Variants in LRRC4C observed in about 807,000 individuals in gnomAD.
The protein encoded by LRRC4C is leucine rich repeat containing 4C, also known as leucine-rich repeat-containing protein 4C.
In LRRC4C, 5 loss-of-function variants were observed where a neutral mutation model predicts 33.6. The observed-to-expected ratio is 0.15, with a 90% CI of 0.08 to 0.31. The LOEUF (loss-of-function observed/expected upper bound fraction) is 0.31. LRRC4C is among the 10% of genes least tolerant of loss of function. The pLI is 1.00. For missense variants in LRRC4C, 560 were observed against 796.7 expected, an observed-to-expected ratio of 0.70 and a Z score of 3.58; for synonymous variants, 329 against 302.0, an observed-to-expected ratio of 1.09 and a Z score of -0.93.
intron 1 of LRRC4C, among the ~76,000 whole-genome samples, chr11:41,379,519 A>G (rs905590206): frequency 2.6e-5 from 4 of 152,170 alleles, no homozygotes; most frequent in Non-Finnish European, 1.5e-5. Flanking sequence ...TGGGCACAAG[A>G]TAAGTATTTT....
chr11:41,291,222 A>G (rs529297047), intron 1 of LRRC4C, among the ~76,000 whole-genome samples: 1 of 152,296 alleles, frequency 6.6e-6, no homozygotes, highest in African/African-American at 2.4e-5. Context: ...ACCACTTAGG[A>G]AGGAGAGAAT....
chr11:40,889,287 A>G (rs1188439114), intron 2 of LRRC4C, among the ~76,000 whole-genome samples: 1 of 152,102 alleles, frequency 6.6e-6, no homozygotes. Context: ...TATACTGTTT[A>G]ATGTGAATTA....
In LRRC4C at chr11:41,223,611, A is replaced by G. The variant is rs571717296; in HGVS notation, c.-496+235820T>C. Among the ~76,000 whole-genome samples the G allele has an allele frequency of 2.4e-4, 36 of 152,322 alleles. 1 individual carries two copies. In the South Asian group the frequency reaches 5.8e-3, roughly 25 times the overall value. ...CTTACTCCCTACATGCTCACATGCT[A>G]GTCTCCCAAAGAAGGAGCTTTCTGC... On this transcript the variant is annotated intron_variant, in intron 1 of 6. Transcript: ENST00000528697.
At chr11:41,234,555 A>C (rs1479112356) in intron 1 of LRRC4C, among the ~76,000 whole-genome samples, 2 of 152,066 alleles carry the variant, frequency 1.3e-5, no homozygotes, top group African/African-American at 4.8e-5. Flanking sequence ...AATTTCAGGT[A>C]AAATAAACGA....
At chr11:40,545,143 T>C (rs1956864054) in intron 3 of LRRC4C, among the ~76,000 whole-genome samples, 1 of 152,042 alleles carries the variant, frequency 6.6e-6, no homozygotes, top group South Asian at 2.1e-4. Context: ...TCTCCCATAT[T>C]TTCACAGCAC....
intron 5 of LRRC4C, among the ~76,000 whole-genome samples, chr11:40,178,735 C>G (rs1013386307): frequency 5.3e-5 from 8 of 152,210 alleles, no homozygotes; most frequent in Non-Finnish European, 7.3e-5. Context: ...TGTGGACAGG[C>G]AGGCCGTATA....
chr11:40,121,360 A>G (rs1444800664), intron 6 of LRRC4C, among the ~76,000 whole-genome samples: 2 of 152,250 alleles, frequency 1.3e-5, no homozygotes, highest in Non-Finnish European at 2.9e-5. Context: ...AAGCTAATTT[A>G]TAACCTACAG....
At chr11:40,344,026 A>G (rs1462597042) in intron 3 of LRRC4C, among the ~76,000 whole-genome samples, 1 of 152,070 alleles carries the variant, frequency 6.6e-6, no homozygotes. Flanking sequence ...CAAACCAAAA[A>G]AAGCCCAGGA....
At chr11:40,277,501 G>T (rs1565220131) in intron 4 of LRRC4C, among the ~76,000 whole-genome samples, 1 of 151,850 alleles carries the variant, frequency 6.6e-6, no homozygotes, top group African/African-American at 2.4e-5. Flanking sequence ...TGAGGTTAAG[G>T]GAAAGAGTTA....
chr11:40,313,452 T>C (rs924935959), intron 4 of LRRC4C, among the ~76,000 whole-genome samples: 7 of 151,924 alleles, frequency 4.6e-5, no homozygotes, highest in Non-Finnish European at 1.0e-4. Context: ...GTTCAATAAA[T>C]GGTGCTAGGT....
chr11:40,485,586 C>T (rs1953817341), intron 3 of LRRC4C, among the ~76,000 whole-genome samples: 1 of 151,832 alleles, frequency 6.6e-6, no homozygotes, highest in African/African-American at 2.4e-5. Flanking sequence ...AGAATCACCC[C>T]ACAAAACTTT....
At chr11:40,653,688 A>T (rs2136165810) in intron 2 of LRRC4C, among the ~76,000 whole-genome samples, 1 of 152,326 alleles carries the variant, frequency 6.6e-6, no homozygotes, top group African/African-American at 2.4e-5. Flanking sequence ...AGAAAAGAAA[A>T]CCTCATTTTC....
At chr11:41,235,640 A>C (rs1947988197) in intron 1 of LRRC4C, among the ~76,000 whole-genome samples, 1 of 152,138 alleles carries the variant, frequency 6.6e-6, no homozygotes, top group Non-Finnish European at 1.5e-5. Flanking sequence ...ATAGTTACAC[A>C]GTTTTTTAAA....
At chr11:41,217,586 T>G (rs1052561282) in intron 1 of LRRC4C, among the ~76,000 whole-genome samples, 2 of 152,160 alleles carry the variant, frequency 1.3e-5, no homozygotes, top group African/African-American at 4.8e-5. Flanking sequence ...ATTCTAAAAA[T>G]AGAATAAAGA....
intron 2 of LRRC4C, among the ~76,000 whole-genome samples, chr11:40,745,377 A>G (rs1948366618): frequency 1.3e-5 from 2 of 152,212 alleles, no homozygotes; most frequent in Non-Finnish European, 1.5e-5. Context: ...TTAAAAATAT[A>G]TATTTTGGAA....
At chr11:40,371,642 G>C (rs1329508872) in intron 3 of LRRC4C, among the ~76,000 whole-genome samples, 1 of 152,114 alleles carries the variant, frequency 6.6e-6, no homozygotes, top group Non-Finnish European at 1.5e-5. Context: ...ACAACTAATG[G>C]CCCGGTAATG....
At chr11:40,791,043 T>TA (rs1235749049) in intron 2 of LRRC4C, among the ~76,000 whole-genome samples, 3 of 152,174 alleles carry the variant, frequency 2.0e-5, no homozygotes, top group Non-Finnish European at 4.4e-5. Context: ...TGTCACTCAG[T>TA]ACCTGTCTGA....
chr11:40,942,994 G>T (rs1021627793), intron 1 of LRRC4C, among the ~76,000 whole-genome samples: 1 of 152,164 alleles, frequency 6.6e-6, no homozygotes, highest in African/African-American at 2.4e-5. Flanking sequence ...ATACTTAGCA[G>T]CTCAGGTGTT....
In LRRC4C at chr11:40,116,174, C is replaced by T; in HGVS notation, c.119G>A (p.Gly40Asp). The T allele has an allele frequency of 4.3e-6, 7 of 1,613,868 alleles. No individual in the cohort carries two copies. The highest frequency in any genetic ancestry group is 2.2e-5 in the East Asian group (1 of 44,840). Reference protein sequence around the residue: ...LLALQLLVVAGLVRAQTCPSV... With the variant: ...LLALQLLVVADLVRAQTCPSV... ...AGGGCAGGTCTGAGCCCGCACCAGACCAGCCACCACAAGAAGTTGAAGAGC... is the reference window on the plus strand; with the variant it reads ...AGGGCAGGTCTGAGCCCGCACCAGATCAGCCACCACAAGAAGTTGAAGAGC... Residue 40 changes from glycine to aspartate, a missense_variant, in exon 7 of 7, where the codon GGT (glycine) becomes GAT (aspartate). By Grantham distance (94) the Gly-to-Asp change is moderately conservative (BLOSUM62 -1). Coordinates refer to ENST00000528697, the MANE Select transcript of LRRC4C (RefSeq NM_001258419.2).
Sources: allele counts gnomAD v4.1 joint callset (sites outside exome capture counted in the v4.1 genomes callset), GRCh38; gene constraint gnomAD v4.1.1; transcripts MANE v1.5; gene names NCBI Gene and HGNC (gene_info 2026-07-23, HGNC 2026-07-21).